Variants in ZDHHC21 observed in about 807,000 individuals in gnomAD.
ZDHHC21 encodes the protein zDHHC palmitoyltransferase 21, also known as palmitoyltransferase ZDHHC21.
In ZDHHC21, 15 loss-of-function variants were observed where a neutral mutation model predicts 34.6. The ratio of observed to expected loss-of-function variants is 0.43; its 90% CI spans 0.29 to 0.67. The LOEUF (loss-of-function observed/expected upper bound fraction) is 0.67, where lower values mean the gene tolerates loss of function less well. Among genes scored for constraint, ZDHHC21 ranks in the 30% least tolerant of loss-of-function variants. The probability of loss-of-function intolerance (pLI) is 0.14; values close to 1 mark genes in which losing one functional copy is unlikely to be tolerated. For synonymous variants in ZDHHC21, 142 were observed against 101.8 expected (o/e 1.40, Z -2.38); for missense variants, 344 against 327.7 (o/e 1.05, Z -0.38).
intron 3 of ZDHHC21, 60 bp downstream of exon 3, chr9:14,679,973 A>C (rs1006742103): frequency 6.6e-6 from 1 of 152,594 alleles, no homozygotes; most frequent in African/African-American, 2.4e-5. Context: ...TAAGACTCCA[A>C]GGATACTATG....
At chr9:14,653,010 C>G (rs1564300628) in intron 7 of ZDHHC21, among the ~76,000 whole-genome samples, 1 of 151,872 alleles carries the variant, frequency 6.6e-6, no homozygotes, top group African/African-American at 2.4e-5. Context: ...GTCTGGCTGA[C>G]AGAAGAACAC....
intron 7 of ZDHHC21, among the ~76,000 whole-genome samples, chr9:14,652,301 A>G (rs556317349): frequency 1.3e-5 from 2 of 152,040 alleles, no homozygotes; most frequent in East Asian, 3.9e-4. Flanking sequence ...TTTTTAGTAT[A>G]AGACTCAGAA....
At chr9:14,681,063 T>C (rs903286855) in intron 2 of ZDHHC21, among the ~76,000 whole-genome samples, 9 of 152,162 alleles carry the variant, frequency 5.9e-5, no homozygotes, top group Non-Finnish European at 1.3e-4. Flanking sequence ...AATCACTGCA[T>C]ACAGAATGGG....
rs955956040 is a variant in ZDHHC21, at chr9:14,647,378, T to G, written c.505-7366A>C. Among the ~76,000 whole-genome samples the G allele has an allele frequency of 1.6e-4, 24 of 152,254 alleles. 1 individual carries two copies. The South Asian group carries it at 1.9e-3, about 12-fold the overall frequency. On this transcript the variant is annotated intron_variant, in intron 7 of 9. Transcript: ENST00000380916. ...GATCTGTGAATTCCTTCAGCTCATA[T>G]CTTCCTATAAACTTATATCCTAATC... is the stretch of plus-strand genomic sequence containing the variant.
At chr9:14,680,435 A>G (rs1837169093) in intron 2 of ZDHHC21, among the ~76,000 whole-genome samples, 1 of 152,182 alleles carries the variant, frequency 6.6e-6, no homozygotes, top group Non-Finnish European at 1.5e-5. Context: ...TAAGCATTAT[A>G]TGTCCAGTAT....
At chr9:14,654,629 G>A (rs1012165392) in intron 7 of ZDHHC21, among the ~76,000 whole-genome samples, 4 of 151,842 alleles carry the variant, frequency 2.6e-5, no homozygotes, top group Middle Eastern at 3.2e-3. Context: ...AAAAATAGAT[G>A]ACAAAATAGA....
chr9:14,683,503 G>T (rs908880511), intron 2 of ZDHHC21: 1 of 152,156 alleles, frequency 6.6e-6, no homozygotes, highest in Non-Finnish European at 1.5e-5. Context: ...AAACCAGGAA[G>T]AAGTGGAATC....
chr9:14,659,842 T>A (rs1833020178), intron 6 of ZDHHC21, among the ~76,000 whole-genome samples: 1 of 152,172 alleles, frequency 6.6e-6, no homozygotes, highest in Non-Finnish European at 1.5e-5. Context: ...CTTTGTTATT[T>A]GCAAGCAGGA....
chr9:14,605,339 C>G, the ZDHHC21 span, among the ~76,000 whole-genome samples: 1 of 151,980 alleles, frequency 6.6e-6, no homozygotes, highest in Non-Finnish European at 1.5e-5. Flanking sequence ...ATAAGGGTTC[C>G]AATTTCCCCA....
chr9:14,625,254 C>G, intron 8 of ZDHHC21, among the ~76,000 whole-genome samples: 1 of 152,004 alleles, frequency 6.6e-6, no homozygotes, highest in East Asian at 1.9e-4. Flanking sequence ...TCCTGTTAAT[C>G]TTAGCTCTGT....
chr9:14,692,939 G>C lies in ZDHHC21; in HGVS notation c.-225+290C>G, dbSNP rs537186569. Among the ~76,000 whole-genome samples the C allele has an allele frequency of 2.6e-5, 4 of 152,128 alleles. No homozygotes were observed. The South Asian group carries it at 8.3e-4, about 32-fold the overall frequency. On this transcript the variant is annotated intron_variant, in intron 1 of 9. Coordinates refer to ENST00000380916, the MANE Select transcript of ZDHHC21 (RefSeq NM_178566.6). ...TAACTAGCCAACATCGTCTCGACTAGAGCAGGAACCCCCCACCCCCAGTTG... is the reference window on the plus strand; with the variant it reads ...TAACTAGCCAACATCGTCTCGACTACAGCAGGAACCCCCCACCCCCAGTTG...
At chr9:14,652,226 A>G (rs181194023) in intron 7 of ZDHHC21, among the ~76,000 whole-genome samples, 1 of 151,854 alleles carries the variant, frequency 6.6e-6, no homozygotes. Context: ...GAATTTGGGG[A>G]TTTTTTAAGT....
At chr9:14,682,033 G>C (rs1481109936) in intron 2 of ZDHHC21, among the ~76,000 whole-genome samples, 1 of 152,126 alleles carries the variant, frequency 6.6e-6, no homozygotes, top group Non-Finnish European at 1.5e-5. Flanking sequence ...AAGAGCTCCT[G>C]AAGGAAGCAT....
intron 2 of ZDHHC21, among the ~76,000 whole-genome samples, chr9:14,681,072 G>C (rs999225778): frequency 1.3e-5 from 2 of 152,060 alleles, no homozygotes; most frequent in Admixed American, 6.6e-5. Context: ...ATACAGAATG[G>C]GGTAAGATGT....
intron 2 of ZDHHC21, among the ~76,000 whole-genome samples, chr9:14,688,147 A>T (rs1838630207): frequency 6.6e-6 from 1 of 151,008 alleles, no homozygotes. Context: ...ATGTTAAAAG[A>T]GAAATTATGA....
chr9:14,664,969 T>G (rs1834138391), intron 5 of ZDHHC21, among the ~76,000 whole-genome samples: 1 of 148,318 alleles, frequency 6.7e-6, no homozygotes, highest in Non-Finnish European at 1.5e-5. Context: ...ACGCAGTTCC[T>G]CACCAGCAAC....
the ZDHHC21 span, among the ~76,000 whole-genome samples, chr9:14,599,387 T>C: frequency 1.6e-4 from 24 of 152,300 alleles, 1 homozygote; most frequent in South Asian, 1.0e-3. Context: ...TGTGAGGGAC[T>C]GTGCCATGAG....
chr9:14,609,878 T>C (rs933279997), downstream of ZDHHC21, among the ~76,000 whole-genome samples: 1 of 152,052 alleles, frequency 6.6e-6, no homozygotes, highest in Non-Finnish European at 1.5e-5. Context: ...TCCTCCTTTT[T>C]CCAACTACAT....
At chr9:14,640,317 AAAAAAAAAG>A (rs1829108629) in intron 7 of ZDHHC21, among the ~76,000 whole-genome samples, 1 of 150,592 alleles carries the variant, frequency 6.6e-6, no homozygotes, top group Non-Finnish European at 1.5e-5. Flanking sequence ...GGAAAAAAAA[AAAAAAAAAG>A]AAAGAAAGAA....
Sources: gnomAD v4.1 joint callset for allele counts (sites outside exome capture counted in the v4.1 genomes callset) on GRCh38, gnomAD v4.1.1 for gene constraint, MANE v1.5 for transcripts, NCBI Gene and HGNC (gene_info 2026-07-23, HGNC 2026-07-21) for gene names.